Variants in PPP4R2 observed in about 807,000 individuals in gnomAD.
PPP4R2 encodes the protein protein phosphatase 4 regulatory subunit 2.
In PPP4R2, 13 loss-of-function variants were observed where a neutral mutation model predicts 47.2. The observed-to-expected ratio is 0.28, with a 90% CI of 0.18 to 0.44. PPP4R2 has a LOEUF of 0.44. Among genes scored for constraint, PPP4R2 ranks in the 20% least tolerant of loss-of-function variants. The pLI is 1.00. For missense variants in PPP4R2, 421 were observed against 491.2 expected (o/e 0.86, Z 1.35); for synonymous variants, 151 against 163.3 (o/e 0.92, Z 0.57).
Position 73,015,898 on chromosome 3 carries a change from A to G in PPP4R2, c.116+17740A>G, listed in dbSNP as rs1701822131. 3 of 341,184 alleles carry G rather than the reference A, an allele frequency of 8.8e-6. No homozygotes were observed. The Admixed American group carries it at 9.4e-5, about 11-fold the overall frequency. 21.1% of individuals were successfully genotyped at this position (341,184 alleles called of 1,614,324 possible). On this transcript the variant is annotated intron_variant, in intron 2 of 8. Coordinates refer to ENST00000356692, the MANE Select transcript of PPP4R2 (RefSeq NM_174907.4). ...CGTGATCTACCTGCTTTGGCCTCCC[A>G]AAGTGCTGGGATTACAGACGTGAAC...
At chr3:73,016,835 T>C (rs1278833669) in intron 2 of PPP4R2, among the ~76,000 whole-genome samples, 7 of 119,858 alleles carry the variant, frequency 5.8e-5, no homozygotes, top group African/African-American at 1.9e-4. Context: ...TTTTTTTTTT[T>C]AAATACAGAG....
chr3:73,051,847 G>T (rs1306136883), intron 3 of PPP4R2, among the ~76,000 whole-genome samples: 4 of 151,988 alleles, frequency 2.6e-5, no homozygotes, highest in African/African-American at 9.7e-5. Context: ...GGATGGTCTC[G>T]ATCTCCTGAC....
Position 73,061,054 on chromosome 3 carries a change from C to T in PPP4R2, c.413C>T (p.Ser138Phe). The T allele has an allele frequency of 6.6e-7, 1 of 1,517,256 alleles. No individual in the cohort carries two copies. 94.0% of individuals were successfully genotyped at this position (1,517,256 alleles called of 1,614,324 possible). ...ATGGTTGTTAGCTGTGTTTATCCTT[C>T]TTCAGAGTAAGTATATTTTTTCTAT... Reference protein sequence around the residue: ...NVMVVSCVYPSSEKNNSNSLN... With the variant: ...NVMVVSCVYPFSEKNNSNSLN... The change falls in exon 5 of 9, where the codon TCT becomes TTT. Residue 138 changes from serine to phenylalanine, a missense_variant. Transcript: ENST00000356692.
intron 2 of PPP4R2, among the ~76,000 whole-genome samples, chr3:73,003,433 G>C (rs1223266987): frequency 6.6e-6 from 1 of 151,946 alleles, no homozygotes; most frequent in Non-Finnish European, 1.5e-5. Flanking sequence ...GGCTGTTCTC[G>C]AACTCCTGGC....
chr3:73,007,741 G>A (rs1333860132), intron 2 of PPP4R2, among the ~76,000 whole-genome samples: 3 of 152,110 alleles, frequency 2.0e-5, no homozygotes, highest in African/African-American at 4.8e-5. Context: ...GACCCGTCTC[G>A]GCTTCCCGAA....
At position 72,998,062 on chromosome 3, in the gene PPP4R2, TC is replaced by T; in HGVS notation, c.35-14del. Reference sequence around the variant, plus strand: ...TGAGAAAACTGATAACGTTTTTTTTTCTTCCTTCATCTAGATTTTGAGAAGA... The same window carrying T: ...TGAGAAAACTGATAACGTTTTTTTTTTTCCTTCATCTAGATTTTGAGAAGA... On this transcript the variant is annotated splice_polypyrimidine_tract_variant and intron_variant, in intron 1 of 8. Transcript: ENST00000356692. 1 of 1,585,526 alleles carries T rather than the reference TC, an allele frequency of 6.3e-7. No homozygotes were observed. Among genetic ancestry groups the T allele is most frequent in the South Asian group, 1.1e-5 (1 of 87,870 alleles).
At chr3:73,028,735 C>T (rs912501045) in intron 2 of PPP4R2, among the ~76,000 whole-genome samples, 9 of 152,198 alleles carry the variant, frequency 5.9e-5, no homozygotes, top group Non-Finnish European at 1.0e-4. Context: ...TGAGCCACTG[C>T]GCCCGGCCAA....
At chr3:72,998,900 G>T (rs1701406036) in intron 2 of PPP4R2, among the ~76,000 whole-genome samples, 2 of 152,168 alleles carry the variant, frequency 1.3e-5, no homozygotes, top group African/African-American at 2.4e-5. Flanking sequence ...TTTGGGTGGG[G>T]GCTGGGGCAG....
intron 2 of PPP4R2, among the ~76,000 whole-genome samples, chr3:73,020,323 A>G (rs2107250317): frequency 6.6e-6 from 1 of 151,968 alleles, no homozygotes; most frequent in African/African-American, 2.4e-5. Context: ...TGAGTAGCTG[A>G]GACTACAAGC....
chr3:73,014,594 A>G (rs1357715372), intron 2 of PPP4R2, among the ~76,000 whole-genome samples: 1 of 152,206 alleles, frequency 6.6e-6, no homozygotes, highest in Non-Finnish European at 1.5e-5. Context: ...CATTGTGCAG[A>G]GCCCATTATT....
intron 3 of PPP4R2, among the ~76,000 whole-genome samples, chr3:73,050,675 T>C (rs1702593023): frequency 6.6e-6 from 1 of 152,194 alleles, no homozygotes; most frequent in African/African-American, 2.4e-5. Context: ...TAGTGGTATT[T>C]TCCTTTTAGA....
chr3:73,065,460 A>G lies in PPP4R2; in HGVS notation c.992A>G (p.Asp331Gly). 1 of 1,610,870 alleles carries G rather than the reference A, an allele frequency of 6.2e-7. No homozygotes were observed. Among genetic ancestry groups the G allele is most frequent in the Middle Eastern group, 2.3e-4 (1 of 4,430 alleles). Residue 331 changes from aspartate (D) to glycine (G), a missense_variant, in exon 9 of 9, where the codon GAT becomes GGT. Around this residue, in one of 2 missense-constraint regions of PPP4R2, gnomAD observed 317 missense variants for 287.5 expected, o/e 1.10. Transcript: ENST00000356692. ...AAAAATCAAGAAAAAGAATCTGATG[A>G]TGCCTTAACTGTGAATGAAGAGACT... is the stretch of plus-strand genomic sequence containing the variant. The part of the protein sequence containing the change: ...ERKNQEKESD[D>G]ALTVNEETSE...
chr3:73,046,854 G>A (rs1414105566), intron 2 of PPP4R2, among the ~76,000 whole-genome samples: 1 of 152,158 alleles, frequency 6.6e-6, no homozygotes, highest in Non-Finnish European at 1.5e-5. Context: ...CACCTGGTTA[G>A]GTTTGTTATG....
chr3:73,054,419 T>G (rs1018835493), intron 3 of PPP4R2, among the ~76,000 whole-genome samples: 3 of 152,248 alleles, frequency 2.0e-5, no homozygotes, highest in Non-Finnish European at 4.4e-5. Context: ...TTCTGACTTT[T>G]GTAAGACTTT....
intron 2 of PPP4R2, among the ~76,000 whole-genome samples, chr3:73,035,323 C>T (rs569825282): frequency 6.6e-6 from 1 of 152,064 alleles, no homozygotes; most frequent in Non-Finnish European, 1.5e-5. Flanking sequence ...TCACTTGAGC[C>T]GAGGAGGCAG....
intron 2 of PPP4R2, among the ~76,000 whole-genome samples, chr3:73,041,012 G>C (rs1012736530): frequency 9.3e-6 from 1 of 106,952 alleles, no homozygotes; most frequent in Non-Finnish European, 2.0e-5. Context: ...GCAGATTATG[G>C]ATACATACTT....
At chr3:73,056,349 G>C (rs1477078346) in intron 3 of PPP4R2, among the ~76,000 whole-genome samples, 1 of 152,174 alleles carries the variant, frequency 6.6e-6, no homozygotes, top group Admixed American at 6.5e-5. Context: ...TCTTTTGACT[G>C]CTGTTGAACA....
intron 2 of PPP4R2, among the ~76,000 whole-genome samples, chr3:73,008,681 TC>T (rs568731769): frequency 1.3e-5 from 2 of 152,236 alleles, no homozygotes; most frequent in Non-Finnish European, 2.9e-5. Context: ...TTTAGTTGTT[TC>T]AACTGTTGTG....
At chr3:73,025,422 A>G (rs905046484) in intron 2 of PPP4R2, among the ~76,000 whole-genome samples, 18 of 152,090 alleles carry the variant, frequency 1.2e-4, no homozygotes, top group African/African-American at 4.3e-4. Flanking sequence ...AAATGCTTAT[A>G]TTTCTTGATA....
Sources: allele counts gnomAD v4.1 joint callset (sites outside exome capture counted in the v4.1 genomes callset), GRCh38; gene constraint gnomAD v4.1.1; regional missense constraint gnomAD v4.1.1; transcripts MANE v1.5; gene names NCBI Gene and HGNC (gene_info 2026-07-23, HGNC 2026-07-21).